VPS45: variants seen among roughly 807,000 people sequenced by gnomAD.
VPS45 encodes the protein vacuolar protein sorting 45 homolog.
In VPS45, 35 loss-of-function variants were observed where a neutral mutation model predicts 75.9. The ratio of observed to expected loss-of-function variants is 0.46; its 90% CI spans 0.35 to 0.61. The LOEUF is 0.61. Ranked by LOEUF, VPS45 falls within the 20% of genes least tolerant of loss-of-function variation. VPS45 has a pLI of 0.00. For synonymous variants in VPS45, 220 were observed against 238.2 expected (o/e 0.92, Z 0.70); for missense variants, 559 against 685.9 (o/e 0.81, Z 2.07).
rs774734900 is a variant in VPS45, at chr1:150,091,574, T to C, written c.1105-363T>C. 1.8e-3 allele frequency among the ~76,000 whole-genome samples: 276 copies of C among 152,284 alleles called. 2 individuals carry two copies. Among genetic ancestry groups the C allele is most frequent in the Admixed American group, 3.7e-3 (56 of 15,298 alleles). The stretch of plus-strand genomic sequence containing the variant: ...AATCATTAATACTAAGAGAAAGCAG[T>C]AGGTTTTGCAAATCAACTAGTCAGT... On this transcript the variant is annotated intron_variant, in intron 10 of 14. Transcript: ENST00000644510.
intron 3 of VPS45, among the ~76,000 whole-genome samples, chr1:150,075,952 C>T (rs911122899): frequency 9.2e-5 from 14 of 151,430 alleles, no homozygotes; most frequent in Non-Finnish European, 1.9e-4. Flanking sequence ...CGGGGTTTCA[C>T]CGTGTTAGCC....
At chr1:150,093,746 T>C (rs1051542268) in intron 13 of VPS45, 98 bp downstream of exon 13, 1 of 1,398,302 alleles carries the variant, frequency 7.2e-7, no homozygotes, top group African/African-American at 1.4e-5. Context: ...TATAGCATTC[T>C]GCTGCTCCTT....
Position 150,068,715 on chromosome 1 carries a change from G to A in VPS45, c.179G>A (p.Arg60Gln), listed in dbSNP as rs1654863216. The change falls in exon 2 of 15, where the codon CGA becomes CAA. Residue 60 changes from arginine (R) to glutamine (Q), a missense_variant. Physicochemically the swap from Arg to Gln is conservative, Grantham distance 43. Coordinates refer to ENST00000644510, the MANE Select transcript of VPS45 (RefSeq NM_007259.5). ...YLFERIDSQN[R>Q]EIMKHLKAIC... ...TTTGAACGCATTGATTCTCAAAATCGAGAGATCATGAAACACCTGAAGGCA... is the reference window on the plus strand; with the variant it reads ...TTTGAACGCATTGATTCTCAAAATCAAGAGATCATGAAACACCTGAAGGCA... The A allele has an allele frequency of 1.2e-6, 2 of 1,612,960 alleles. No individual in the cohort carries two copies. The highest frequency in any genetic ancestry group is 1.7e-6 in the Non-Finnish European group (2 of 1,179,462).
In VPS45 at chr1:150,092,379, T is replaced by C; in HGVS notation, c.1341T>C (p.Ala447=). The change falls in exon 12 of 15, where the codon GCT becomes GCC. Residue 447 remains alanine (A), a synonymous_variant. Coordinates refer to ENST00000644510, the MANE Select transcript of VPS45 (RefSeq NM_007259.5). ...SDLFSPKDAV[A]ITKQFLKGLK... is the part of the protein sequence containing the mutation. ...TCTTCAGCCCCAAAGATGCTGTGGC[T>C]ATCACCAAACAATTCCTCAAAGGAC... is the stretch of plus-strand genomic sequence containing the variant. 6.2e-7 allele frequency: 1 copy of C among 1,614,196 alleles called. No individual in the cohort carries two copies. Among genetic ancestry groups the C allele is most frequent in the Non-Finnish European group, 8.5e-7 (1 of 1,180,016 alleles).
intron 3 of VPS45, 31 bp downstream of exon 3, chr1:150,072,257 G>C: frequency 6.7e-7 from 1 of 1,502,266 alleles, no homozygotes; most frequent in Non-Finnish European, 9.2e-7. Flanking sequence ...TTTCAAACAT[G>C]TAACAACATC....
At chr1:150,085,486 C>G (rs1655955051) in intron 10 of VPS45, among the ~76,000 whole-genome samples, 1 of 151,974 alleles carries the variant, frequency 6.6e-6, no homozygotes, top group South Asian at 2.1e-4. Context: ...GTTTTCTTGT[C>G]TAGGGTATTG....
chr1:150,093,487 T>C, intron 12 of VPS45, 40 bp from the exon 13 acceptor site: 1 of 1,600,086 alleles, frequency 6.2e-7, no homozygotes, highest in Non-Finnish European at 8.5e-7. Context: ...TGTTGCCAAT[T>C]TCCCAAAAAT....
chr1:150,136,275 C>T (rs370266250), intron 14 of VPS45, among the ~76,000 whole-genome samples: 3 of 141,252 alleles, frequency 2.1e-5, no homozygotes, highest in African/African-American at 8.0e-5. Flanking sequence ...AATTTGAGGC[C>T]GGGTGCGGTG....
chr1:150,088,434 A>AATAT (rs200780573), intron 10 of VPS45, among the ~76,000 whole-genome samples: 9,706 of 125,320 alleles, frequency 0.077, 536 homozygotes, highest in South Asian at 0.18. Flanking sequence ...CTGAATAATA[A>AATAT]ATATATATAT....
chr1:150,121,370 C>T (rs1180941795), intron 14 of VPS45, among the ~76,000 whole-genome samples: 1 of 152,032 alleles, frequency 6.6e-6, no homozygotes, highest in South Asian at 2.1e-4. Flanking sequence ...AGGCAAAGAA[C>T]CTGCCCTGAA....
chr1:150,087,353 T>C (rs1656071565), intron 10 of VPS45, among the ~76,000 whole-genome samples: 1 of 152,244 alleles, frequency 6.6e-6, no homozygotes, highest in African/African-American at 2.4e-5. Flanking sequence ...TCTGTTTTGC[T>C]CTTTACTCAG....
At chr1:150,068,918 T>G in intron 2 of VPS45, 154 bp downstream of exon 2, 6 of 846,028 alleles carry the variant, frequency 7.1e-6, no homozygotes, top group Non-Finnish European at 1.0e-5. Flanking sequence ...TTTCTTGTTT[T>G]GTTTCCATAT....
At chr1:150,090,086 G>A (rs879977225) in intron 10 of VPS45, among the ~76,000 whole-genome samples, 2 of 152,226 alleles carry the variant, frequency 1.3e-5, no homozygotes, top group African/African-American at 2.4e-5. Flanking sequence ...GATAATGTAC[G>A]TGAAAGCATT....
chr1:150,090,868 G>T (rs1192809652), intron 10 of VPS45, among the ~76,000 whole-genome samples: 1 of 152,084 alleles, frequency 6.6e-6, no homozygotes, highest in Non-Finnish European at 1.5e-5. Flanking sequence ...ATTTGCACTT[G>T]CCCTTTCCCC....
At chr1:150,133,742 A>G (rs1553812935) in intron 14 of VPS45, among the ~76,000 whole-genome samples, 1 of 152,114 alleles carries the variant, frequency 6.6e-6, no homozygotes, top group Non-Finnish European at 1.5e-5. Flanking sequence ...TTCTCAGATG[A>G]TAACTACCTT....
In VPS45 at chr1:150,120,941, C is replaced by T. The variant is rs1342592332; in HGVS notation, c.1625+10314C>T. ...GGAGTGCAGTGGCGCGATCTCGGCTCACTGCAAGCTTCGCCTCCTGGGTTC... is the reference window on the plus strand; with the variant it reads ...GGAGTGCAGTGGCGCGATCTCGGCTTACTGCAAGCTTCGCCTCCTGGGTTC... On this transcript the variant is annotated intron_variant, in intron 14 of 14. Coordinates refer to ENST00000644510, the MANE Select transcript of VPS45 (RefSeq NM_007259.5). 2.7e-5 allele frequency among the ~76,000 whole-genome samples: 4 copies of T among 147,642 alleles called. No individual in the cohort carries two copies. In the East Asian group the frequency reaches 6.1e-4, roughly 23 times the overall value.
chr1:150,126,809 C>T (rs1037570258), intron 14 of VPS45, among the ~76,000 whole-genome samples: 1 of 152,052 alleles, frequency 6.6e-6, no homozygotes, highest in Admixed American at 6.6e-5. Flanking sequence ...CCACAAAAAA[C>T]GTTAAAATTA....
At chr1:150,105,860 A>G (rs1314775187) in intron 13 of VPS45, among the ~76,000 whole-genome samples, 1 of 152,228 alleles carries the variant, frequency 6.6e-6, no homozygotes, top group Admixed American at 6.5e-5. Flanking sequence ...AAATTATATT[A>G]TAAGGCTACA....
chr1:150,076,254 A>G lies in VPS45; in HGVS notation c.311A>G (p.Lys104Arg). The change falls in exon 4 of 15, where the codon AAG becomes AGG. Residue 104 changes from lysine to arginine, a missense_variant. By Grantham distance (26) the Lys-to-Arg change is conservative (BLOSUM62 2). Transcript: ENST00000644510. Reference sequence around the variant, plus strand: ...TCAGATTTCAGTAATGTGATCAGCAAGAGTGACGTGAAGTCATTGGCTGAA... The same window carrying G: ...TCAGATTTCAGTAATGTGATCAGCAGGAGTGACGTGAAGTCATTGGCTGAA... ...YFIYFSNVIS[K>R]SDVKSLAEAD... is the part of the protein sequence containing the mutation. The G allele has an allele frequency of 6.2e-7, 1 of 1,607,644 alleles. No homozygotes were observed. Among genetic ancestry groups the G allele is most frequent in the African/African-American group, 1.3e-5 (1 of 74,408 alleles).
Sources: gnomAD v4.1 joint callset for allele counts (sites outside exome capture counted in the v4.1 genomes callset) on GRCh38, gnomAD v4.1.1 for gene constraint, MANE v1.5 for transcripts, NCBI Gene and HGNC (gene_info 2026-07-23, HGNC 2026-07-21) for gene names.